Variants in WWOX observed in about 807,000 individuals in gnomAD.
WWOX encodes the protein WW domain containing oxidoreductase.
In WWOX, 69 loss-of-function variants were observed where a neutral mutation model predicts 46.2. That is an observed-to-expected ratio of 1.49 (90% confidence interval 1.23 to 1.82). The LOEUF (loss-of-function observed/expected upper bound fraction) is 1.82, where lower values mean the gene tolerates loss of function less well. Ranked by LOEUF, WWOX falls within the 40% of genes most tolerant of loss-of-function variation. The probability of loss-of-function intolerance (pLI) is 0.00; values close to 1 mark genes in which losing one functional copy is unlikely to be tolerated. For missense variants in WWOX, 919 were observed against 542.6 expected (o/e 1.69, Z -6.89); for synonymous variants, 359 against 202.6 (o/e 1.77, Z -6.56).
At chr16:78,777,250 TC>T (rs1398770607) in intron 8 of WWOX, among the ~76,000 whole-genome samples, 2 of 152,108 alleles carry the variant, frequency 1.3e-5, no homozygotes, top group African/African-American at 4.8e-5. Context: ...CAGTGACATT[TC>T]CTCTGTGCCT....
intron 8 of WWOX, among the ~76,000 whole-genome samples, chr16:78,625,344 T>A (rs2046287789): frequency 1.3e-5 from 2 of 152,186 alleles, no homozygotes; most frequent in South Asian, 4.1e-4. Flanking sequence ...GGCCAGCGTG[T>A]TCCATTTGAG....
At chr16:78,958,949 G>T (rs1446126924) in intron 8 of WWOX, among the ~76,000 whole-genome samples, 4 of 152,152 alleles carry the variant, frequency 2.6e-5, no homozygotes, top group Non-Finnish European at 5.9e-5. Context: ...AAGAGTTCTG[G>T]GTTCAAGATC....
chr16:79,211,046 T>TGTGTGTGG (rs1397667347), intron 8 of WWOX, among the ~76,000 whole-genome samples: 1 of 151,888 alleles, frequency 6.6e-6, no homozygotes, highest in East Asian at 1.9e-4. Context: ...TGTGTGTGTG[T>TGTGTGTGG]GTGTGTGTGT....
At chr16:78,432,833 T>A in intron 8 of WWOX, 81 bp downstream of exon 8, 1 of 1,600,352 alleles carries the variant, frequency 6.2e-7, no homozygotes. Flanking sequence ...TTTTTACCTC[T>A]TGCGGGCATG....
intron 8 of WWOX, among the ~76,000 whole-genome samples, chr16:78,585,817 G>T (rs1479261532): frequency 6.6e-6 from 1 of 151,850 alleles, no homozygotes; most frequent in Non-Finnish European, 1.5e-5. Flanking sequence ...TCCTTGGCCT[G>T]ATTCTGTGGC....
At chr16:78,422,786 C>CACACATATATAT (rs2082974452) in intron 6 of WWOX, among the ~76,000 whole-genome samples, 1 of 102,516 alleles carries the variant, frequency 9.8e-6, no homozygotes, top group African/African-American at 7.7e-5. Flanking sequence ...TATATATATA[C>CACACATATATAT]ACACACACAT....
chr16:78,541,431 G>A (rs1178543944), intron 8 of WWOX, among the ~76,000 whole-genome samples: 3 of 118,686 alleles, frequency 2.5e-5, no homozygotes, highest in African/African-American at 6.7e-5. Context: ...CCGAGAGCCC[G>A]CCACTGCACT....
intron 8 of WWOX, among the ~76,000 whole-genome samples, chr16:79,091,775 C>CTTTTTTTTTTTTT (rs771753213): frequency 1.6e-5 from 2 of 126,852 alleles, no homozygotes; most frequent in Non-Finnish European, 3.2e-5. Context: ...CTTTTCTTTT[C>CTTTTTTTTTTTTT]TTTGTTTTTT....
chr16:78,188,833 C>A (rs140786188), intron 5 of WWOX, among the ~76,000 whole-genome samples: 1,710 of 152,190 alleles, frequency 0.011, 27 homozygotes, highest in Non-Finnish European at 0.012. Flanking sequence ...GGAAATAATA[C>A]CCCTGTTTGA....
chr16:78,991,616 G>A (rs865968100), intron 8 of WWOX, among the ~76,000 whole-genome samples: 91 of 25,248 alleles, frequency 3.6e-3, no homozygotes, highest in Middle Eastern at 0.045. Context: ...AAAAAAAAAA[G>A]CCAGATTCTC....
At chr16:78,890,523 A>G (rs1300769196) in intron 8 of WWOX, 1 of 152,170 alleles carries the variant, frequency 6.6e-6, no homozygotes, top group African/African-American at 2.4e-5. Context: ...GCTTCCCTGA[A>G]ATGGTGCTGA....
chr16:78,782,900 G>C (rs1442523010), intron 8 of WWOX, among the ~76,000 whole-genome samples: 1 of 152,070 alleles, frequency 6.6e-6, no homozygotes, highest in African/African-American at 2.4e-5. Context: ...AGAATGTATT[G>C]TTTTATATCT....
chr16:78,712,154 C>T (rs1469034789), intron 8 of WWOX, among the ~76,000 whole-genome samples: 1 of 152,084 alleles, frequency 6.6e-6, no homozygotes, highest in Non-Finnish European at 1.5e-5. Flanking sequence ...GTTCAATTGA[C>T]TTCGAAATGT....
intron 4 of WWOX, 67 bp downstream of exon 4, chr16:78,115,221 A>G (rs763198562): frequency 2.4e-5 from 39 of 1,595,914 alleles, no homozygotes; most frequent in Non-Finnish European, 3.3e-5. Context: ...ATCTAGCTAT[A>G]ATGGAATTTT....
At chr16:78,682,765 G>A (rs533252344) in intron 8 of WWOX, among the ~76,000 whole-genome samples, 26 of 152,248 alleles carry the variant, frequency 1.7e-4, no homozygotes, top group South Asian at 6.2e-4. Flanking sequence ...TCCCCTTCAC[G>A]GTAATTTGGA....
chr16:78,429,892 G>A (rs1229306367), intron 7 of WWOX, among the ~76,000 whole-genome samples: 2 of 152,152 alleles, frequency 1.3e-5, no homozygotes, highest in Admixed American at 6.5e-5. Flanking sequence ...GTATGTATCC[G>A]TGGATGAATC....
chr16:78,479,467 A>G (rs1360279472), intron 8 of WWOX, among the ~76,000 whole-genome samples: 1 of 152,212 alleles, frequency 6.6e-6, no homozygotes, highest in African/African-American at 2.4e-5. Context: ...TGATTTACCA[A>G]GTAACTTTAG....
At chr16:78,678,112 C>G (rs1253999615) in intron 8 of WWOX, among the ~76,000 whole-genome samples, 1 of 152,236 alleles carries the variant, frequency 6.6e-6, no homozygotes. Flanking sequence ...CCCCTCCCCA[C>G]TGGAGAGTGA....
At chr16:79,184,566 C>G (rs961991184) in intron 8 of WWOX, among the ~76,000 whole-genome samples, 1 of 152,186 alleles carries the variant, frequency 6.6e-6, no homozygotes, top group Non-Finnish European at 1.5e-5. Flanking sequence ...GTGTTGTGCA[C>G]CCACTCTGCA....
Sources: gnomAD v4.1 joint callset for allele counts (sites outside exome capture counted in the v4.1 genomes callset) on GRCh38, gnomAD v4.1.1 for gene constraint, MANE v1.5 for transcripts, NCBI Gene and HGNC (gene_info 2026-07-23, HGNC 2026-07-21) for gene names.